Variants in CELF4 observed in about 807,000 individuals in gnomAD.
CELF4 encodes CUGBP Elav-like family member 4.
CELF4 carries 18 observed loss-of-function variants against 59.9 expected under a neutral mutation model. The ratio of observed to expected loss-of-function variants is 0.30; its 90% CI spans 0.21 to 0.45. The LOEUF is 0.45. CELF4 is among the 20% of genes least tolerant of loss of function. CELF4 has a pLI of 1.00. For synonymous variants in CELF4, 261 were observed against 267.1 expected (o/e 0.98, Z 0.22); for missense variants, 456 against 689.0 (o/e 0.66, Z 3.79).
rs188580764 is a variant in CELF4 at position 37,296,708 on chromosome 18, G to T, written c.449-21465C>A. On this transcript the variant is annotated intron_variant, in intron 3 of 12. Coordinates refer to ENST00000420428, the MANE Select transcript of CELF4 (RefSeq NM_020180.4). ...TGGCAGTCCTCCCCAATCTTGAAAC[G>T]CTAACAGCCCTGCCTGTTGCTCCAG... 5.9e-5 allele frequency among the ~76,000 whole-genome samples: 9 copies of T among 152,252 alleles called. No homozygotes were observed. The East Asian group carries it at 1.7e-3, about 29-fold the overall frequency.
intron 3 of CELF4, among the ~76,000 whole-genome samples, chr18:37,286,052 C>G (rs537700768): frequency 6.6e-6 from 1 of 152,074 alleles, no homozygotes; most frequent in East Asian, 1.9e-4. Flanking sequence ...AGTTTGTCCT[C>G]GGCTTTCAAG....
intron 2 of CELF4, among the ~76,000 whole-genome samples, chr18:37,348,332 C>T (rs2098340306): frequency 6.6e-6 from 1 of 152,158 alleles, no homozygotes; most frequent in Non-Finnish European, 1.5e-5. Context: ...AGAGCACTCC[C>T]AGCTTACCCA....
At chr18:37,552,419 C>T (rs998590132) in intron 1 of CELF4, among the ~76,000 whole-genome samples, 1 of 152,224 alleles carries the variant, frequency 6.6e-6, no homozygotes, top group African/African-American at 2.4e-5. Flanking sequence ...CCTGCCTCTG[C>T]GTGATGAGGG....
At chr18:37,455,343 C>G (rs989964639) in intron 2 of CELF4, among the ~76,000 whole-genome samples, 1 of 152,210 alleles carries the variant, frequency 6.6e-6, no homozygotes, top group African/African-American at 2.4e-5. Context: ...TCAGAGGGTT[C>G]TTGTGAGTGA....
chr18:37,362,684 TGCCC>T (rs2098724146), intron 2 of CELF4, among the ~76,000 whole-genome samples: 3 of 125,714 alleles, frequency 2.4e-5, no homozygotes, highest in South Asian at 5.3e-4. Flanking sequence ...TGCCCTGCCC[TGCCC>T]GCGCTGAACT....
chr18:37,280,452 A>G (rs1042209101), intron 3 of CELF4, among the ~76,000 whole-genome samples: 2 of 152,208 alleles, frequency 1.3e-5, no homozygotes, highest in African/African-American at 4.8e-5. Flanking sequence ...TGGAGAGTCC[A>G]GAGTCTTTGG....
At chr18:37,346,055 T>C (rs1225756003) in intron 2 of CELF4, among the ~76,000 whole-genome samples, 1 of 152,150 alleles carries the variant, frequency 6.6e-6, no homozygotes, top group Non-Finnish European at 1.5e-5. Flanking sequence ...GGGAGAACCG[T>C]GCTGTGCCTG....
chr18:37,321,968 G>A (rs958907478), intron 2 of CELF4, 87 bp from the exon 3 acceptor site: 8 of 1,041,852 alleles, frequency 7.7e-6, no homozygotes, highest in African/African-American at 6.3e-5. Context: ...AGGTGAATGC[G>A]AGTATACAGA....
At chr18:37,493,173 A>G (rs1211873178) in intron 1 of CELF4, among the ~76,000 whole-genome samples, 1 of 152,162 alleles carries the variant, frequency 6.6e-6, no homozygotes, top group Non-Finnish European at 1.5e-5. Context: ...CCATGGGGTA[A>G]ACCCAAGCCT....
At chr18:37,562,831 A>G (rs1603644288) in intron 1 of CELF4, among the ~76,000 whole-genome samples, 1 of 152,276 alleles carries the variant, frequency 6.6e-6, no homozygotes, top group South Asian at 2.1e-4. Flanking sequence ...TGTTAGGGAC[A>G]TTGTGGTCCA....
chr18:37,311,012 A>G (rs900388505), intron 3 of CELF4, among the ~76,000 whole-genome samples: 3 of 152,212 alleles, frequency 2.0e-5, no homozygotes, highest in Admixed American at 6.5e-5. Context: ...GGCATGAGGC[A>G]GCTTTTAAAT....
intron 11 of CELF4, among the ~76,000 whole-genome samples, chr18:37,257,469 G>A (rs1332489719): frequency 6.6e-6 from 1 of 152,138 alleles, no homozygotes; most frequent in Admixed American, 6.5e-5. Flanking sequence ...TGAGCTGCTG[G>A]GGCAACTCCA....
At chr18:37,314,655 C>T (rs1281262607) in intron 3 of CELF4, among the ~76,000 whole-genome samples, 1 of 145,562 alleles carries the variant, frequency 6.9e-6, no homozygotes, top group East Asian at 1.9e-4. Flanking sequence ...CTGCCACCAC[C>T]CTGCCAGGGC....
At chr18:37,289,082 T>C (rs540812265) in intron 3 of CELF4, among the ~76,000 whole-genome samples, 5 of 152,088 alleles carry the variant, frequency 3.3e-5, no homozygotes, top group Admixed American at 6.5e-5. Flanking sequence ...ATGCAGGAAG[T>C]AGACTTGATC....
At chr18:37,531,297 T>G (rs2099969378) in intron 1 of CELF4, among the ~76,000 whole-genome samples, 1 of 152,096 alleles carries the variant, frequency 6.6e-6, no homozygotes, top group African/African-American at 2.4e-5. Flanking sequence ...ATACTGCTTC[T>G]TTGCAGCCCC....
At chr18:37,501,640 G>A (rs1483000107) in intron 1 of CELF4, among the ~76,000 whole-genome samples, 1 of 152,220 alleles carries the variant, frequency 6.6e-6, no homozygotes, top group Non-Finnish European at 1.5e-5. Flanking sequence ...GAGGCCTGAG[G>A]AAGCCATAGA....
intron 2 of CELF4, among the ~76,000 whole-genome samples, chr18:37,420,808 C>T (rs907549143): frequency 1.3e-5 from 2 of 152,178 alleles, no homozygotes; most frequent in Non-Finnish European, 2.9e-5. Flanking sequence ...TCTCCAGTGC[C>T]CTGCCTTCCC....
intron 1 of CELF4, among the ~76,000 whole-genome samples, chr18:37,523,754 C>T (rs1044709161): frequency 2.6e-5 from 4 of 152,232 alleles, no homozygotes; most frequent in African/African-American, 9.6e-5. Context: ...GCCACCAGTC[C>T]CTTCTGGTCC....
At chr18:37,398,284 G>A (rs2099270699) in intron 2 of CELF4, among the ~76,000 whole-genome samples, 1 of 152,178 alleles carries the variant, frequency 6.6e-6, no homozygotes, top group African/African-American at 2.4e-5. Flanking sequence ...CTGGAAAAGT[G>A]GGCAAACGAG....
Sources: allele counts gnomAD v4.1 joint callset (sites outside exome capture counted in the v4.1 genomes callset), GRCh38; gene constraint gnomAD v4.1.1; transcripts MANE v1.5; gene names NCBI Gene and HGNC (gene_info 2026-07-23, HGNC 2026-07-21).